Variants in TUSC3 observed in about 807,000 individuals in gnomAD.
TUSC3 encodes dolichyl-diphosphooligosaccharide--protein glycosyltransferase subunit TUSC3.
In TUSC3, 45 loss-of-function variants were observed where a neutral mutation model predicts 44.8. The observed-to-expected ratio is 1.00, with a 90% confidence interval of 0.79 to 1.29. The LOEUF is 1.29. Ranked by LOEUF, TUSC3 falls within the 50% of genes most tolerant of loss-of-function variation. The pLI, the probability that TUSC3 is intolerant of heterozygous loss-of-function variation, is 0.00. For missense variants in TUSC3, 519 were observed against 437.9 expected (o/e 1.19, Z -1.65); for synonymous variants, 212 against 152.9 (o/e 1.39, Z -2.85).
At chr8:15,786,845 G>A in the TUSC3 span, among the ~76,000 whole-genome samples, 1 of 150,584 alleles carries the variant, frequency 6.6e-6, no homozygotes, top group Admixed American at 6.6e-5. Context: ...TTGGGAGGCT[G>A]AGGCAGGAAA....
chr8:15,787,000 T>C, the TUSC3 span, among the ~76,000 whole-genome samples: 16 of 144,750 alleles, frequency 1.1e-4, no homozygotes, highest in African/African-American at 3.9e-4. Context: ...TTGAAGGTAG[T>C]AGGGAAGTCA....
intron 2 of TUSC3, among the ~76,000 whole-genome samples, chr8:15,513,950 C>G (rs1224001739): frequency 6.6e-6 from 1 of 152,110 alleles, no homozygotes; most frequent in African/African-American, 2.4e-5. Context: ...CTTCCTCTTC[C>G]CACCTTCATG....
chr8:15,754,816 C>T (rs987055308), intron 9 of TUSC3, among the ~76,000 whole-genome samples: 11 of 151,908 alleles, frequency 7.2e-5, no homozygotes, highest in African/African-American at 2.7e-4. Flanking sequence ...TTTTTCCTCA[C>T]AATTTTGAAT....
chr8:15,581,722 G>A (rs1289281582), intron 1 of TUSC3, among the ~76,000 whole-genome samples: 1 of 134,980 alleles, frequency 7.4e-6, no homozygotes, highest in African/African-American at 2.6e-5. Context: ...TCTCTTCAAA[G>A]CTGTCAGACA....
At chr8:15,680,908 C>T (rs1447271349) in intron 6 of TUSC3, among the ~76,000 whole-genome samples, 1 of 152,112 alleles carries the variant, frequency 6.6e-6, no homozygotes, top group Non-Finnish European at 1.5e-5. Context: ...GTTGAACCAA[C>T]TTGGCATCCC....
the TUSC3 span, among the ~76,000 whole-genome samples, chr8:15,792,691 C>G: frequency 2.0e-5 from 3 of 152,130 alleles, no homozygotes; most frequent in Non-Finnish European, 4.4e-5. Context: ...TCTCAACCCA[C>G]TGCAACCTCT....
At chr8:15,694,472 A>C (rs1809069083) in intron 6 of TUSC3, among the ~76,000 whole-genome samples, 1 of 148,186 alleles carries the variant, frequency 6.7e-6, no homozygotes, top group African/African-American at 2.5e-5. Flanking sequence ...ATTGTTGGGG[A>C]ACTAGTGTGG....
chr8:15,445,721 A>G (rs957917736), intron 1 of TUSC3, among the ~76,000 whole-genome samples: 2 of 152,370 alleles, frequency 1.3e-5, no homozygotes, highest in South Asian at 4.1e-4. Flanking sequence ...ACTTCTTTCT[A>G]CACAGACACA....
chr8:15,717,798 T>C (rs967620046), intron 6 of TUSC3, among the ~76,000 whole-genome samples: 1 of 152,106 alleles, frequency 6.6e-6, no homozygotes, highest in Admixed American at 6.6e-5. Flanking sequence ...CTATAGCACC[T>C]CTCAAGAAGA....
chr8:15,510,522 C>A (rs988943938), intron 2 of TUSC3, among the ~76,000 whole-genome samples: 2 of 152,082 alleles, frequency 1.3e-5, no homozygotes, highest in Admixed American at 6.5e-5. Flanking sequence ...AAGATAATTA[C>A]GGGAGCTCAC....
At chr8:15,500,597 G>A (rs1800947172) in intron 2 of TUSC3, among the ~76,000 whole-genome samples, 1 of 152,180 alleles carries the variant, frequency 6.6e-6, no homozygotes, top group Admixed American at 6.5e-5. Context: ...TATTGAAAAT[G>A]ATGTAGGCAC....
intron 6 of TUSC3, among the ~76,000 whole-genome samples, chr8:15,712,948 C>T (rs898209031): frequency 6.6e-6 from 1 of 152,146 alleles, no homozygotes; most frequent in Non-Finnish European, 1.5e-5. Flanking sequence ...TAATTACACT[C>T]TCTAAGGTCA....
intron 2 of TUSC3, among the ~76,000 whole-genome samples, chr8:15,501,119 A>G (rs1169641816): frequency 6.6e-6 from 1 of 152,164 alleles, no homozygotes; most frequent in African/African-American, 2.4e-5. Context: ...GCATCTCCTT[A>G]CATCACTTTT....
chr8:15,800,724 C>A, the TUSC3 span, among the ~76,000 whole-genome samples: 1 of 152,260 alleles, frequency 6.6e-6, no homozygotes, highest in African/African-American at 2.4e-5. Context: ...ATAAAAAGTG[C>A]CTTCTTAGTA....
chr8:15,464,395 T>C (rs1800388363), intron 1 of TUSC3, among the ~76,000 whole-genome samples: 1 of 152,148 alleles, frequency 6.6e-6, no homozygotes, highest in African/African-American at 2.4e-5. Flanking sequence ...CATTCATGGA[T>C]TCAACAAATA....
the TUSC3 span, among the ~76,000 whole-genome samples, chr8:15,832,835 G>C: frequency 6.6e-6 from 1 of 152,100 alleles, no homozygotes; most frequent in African/African-American, 2.4e-5. Flanking sequence ...ATAATAGTGA[G>C]AGACTTCAAC....
chr8:15,692,371 C>CCCCCTCT, intron 6 of TUSC3, among the ~76,000 whole-genome samples: 1 of 18,828 alleles, frequency 5.3e-5, no homozygotes, highest in East Asian at 2.9e-3. Flanking sequence ...CCCCCCCCCC[C>CCCCCTCT]TTTGTTTTTT....
chr8:15,766,606 A>G lies in TUSC3; in HGVS notation c.*2450A>G, dbSNP rs188010701. ...TAACTTGTTGCATTTTGCTTAACAT[A>G]CTGTTCCTGGCATTAGATATTCACA... On this transcript the variant is annotated 3_prime_UTR_variant, in exon 11 of 11. Coordinates refer to ENST00000503731, the MANE Select transcript of TUSC3 (RefSeq NM_006765.4). 5.4e-3 allele frequency: 818 copies of G among 152,236 alleles called. 13 individuals are homozygous for G. The highest frequency in any genetic ancestry group is 0.019 in the African/African-American group (790 of 41,554). 9.4% of individuals were successfully genotyped at this position (152,236 alleles called of 1,614,324 possible). A position where few individuals can be genotyped will look rare whatever the true frequency, so the allele number is the denominator to read the frequency against.
chr8:15,494,357 G>A (rs1488550116), intron 2 of TUSC3, among the ~76,000 whole-genome samples: 1 of 142,840 alleles, frequency 7.0e-6, no homozygotes, highest in Non-Finnish European at 1.5e-5. Context: ...TCGCTCTGTC[G>A]CCCAGGCTGG....
Sources: allele counts gnomAD v4.1 joint callset (sites outside exome capture counted in the v4.1 genomes callset), GRCh38; gene constraint gnomAD v4.1.1; transcripts MANE v1.5; gene names NCBI Gene and HGNC (gene_info 2026-07-23, HGNC 2026-07-21).